The following GRIK2 variants were observed in gnomAD, a reference collection of about 807,000 sequenced individuals.
GRIK2 encodes glutamate ionotropic receptor kainate type subunit 2.
A neutral mutation model predicts 100.3 loss-of-function variants in GRIK2; 32 were observed. The observed-to-expected ratio is 0.32, with a 90% confidence interval of 0.24 to 0.43. The LOEUF (loss-of-function observed/expected upper bound fraction) is 0.43. Among genes scored for constraint, GRIK2 ranks in the 20% least tolerant of loss-of-function variants. The probability of loss-of-function intolerance (pLI) is 1.00; values close to 1 mark genes in which losing one functional copy is unlikely to be tolerated. For synonymous variants in GRIK2, 417 were observed against 389.4 expected (o/e 1.07, Z -0.83); for missense variants, 843 against 1,114.9 (o/e 0.76, Z 3.47).
At chr6:101,508,560 A>G (rs1774135968) in intron 2 of GRIK2, among the ~76,000 whole-genome samples, 1 of 152,068 alleles carries the variant, frequency 6.6e-6, no homozygotes, top group Non-Finnish European at 1.5e-5. Flanking sequence ...ATATTATCCT[A>G]CCCTTAGGAG....
intron 2 of GRIK2, chr6:101,430,955 GC>G: frequency 3.2e-6 from 1 of 307,716 alleles, no homozygotes. Flanking sequence ...GAAAGGCATA[GC>G]CCTCAAAGAT....
intron 4 of GRIK2, among the ~76,000 whole-genome samples, chr6:101,672,512 A>G (rs1384545977): frequency 6.6e-6 from 1 of 151,984 alleles, no homozygotes; most frequent in Non-Finnish European, 1.5e-5. Context: ...TATGCATCTT[A>G]CCTCTCTTAC....
intron 2 of GRIK2, among the ~76,000 whole-genome samples, chr6:101,527,772 A>T (rs182966601): frequency 1.1e-3 from 169 of 152,296 alleles, no homozygotes; most frequent in Non-Finnish European, 1.7e-3. Context: ...CAGTAGAATT[A>T]TCTGGAAAAT....
At chr6:101,559,640 T>C (rs991989429) in intron 2 of GRIK2, among the ~76,000 whole-genome samples, 3 of 152,152 alleles carry the variant, frequency 2.0e-5, no homozygotes, top group Admixed American at 6.6e-5. Flanking sequence ...TATTATTTAA[T>C]ACCTCCATCC....
intron 2 of GRIK2, among the ~76,000 whole-genome samples, chr6:101,610,909 T>C (rs1346960752): frequency 6.6e-6 from 1 of 151,818 alleles, no homozygotes; most frequent in Admixed American, 6.6e-5. Flanking sequence ...GTTCTATTTA[T>C]ATCTTGATAC....
chr6:101,947,459 G>A (rs181470257), intron 14 of GRIK2, among the ~76,000 whole-genome samples: 1 of 152,078 alleles, frequency 6.6e-6, no homozygotes, highest in Non-Finnish European at 1.5e-5. Context: ...TATGCAGTCT[G>A]CATTCCACTA....
chr6:101,397,430 G>C (rs1775054969), intron 1 of GRIK2, among the ~76,000 whole-genome samples: 1 of 152,130 alleles, frequency 6.6e-6, no homozygotes, highest in Non-Finnish European at 1.5e-5. Flanking sequence ...AGCACTAGGT[G>C]TTCCTTTTAA....
At chr6:101,695,586 G>A (rs900575987) in intron 7 of GRIK2, among the ~76,000 whole-genome samples, 6 of 151,992 alleles carry the variant, frequency 3.9e-5, no homozygotes, top group African/African-American at 1.5e-4. Context: ...GAAAGACAGT[G>A]TCACTGGTCA....
chr6:101,793,881 C>A (rs1343837701), intron 7 of GRIK2, among the ~76,000 whole-genome samples: 1 of 152,200 alleles, frequency 6.6e-6, no homozygotes, highest in African/African-American at 2.4e-5. Flanking sequence ...AGCTTCCTGG[C>A]TGCTTTGTTT....
intron 14 of GRIK2, among the ~76,000 whole-genome samples, chr6:101,947,508 A>G (rs766886018): frequency 6.6e-6 from 1 of 152,194 alleles, no homozygotes; most frequent in Non-Finnish European, 1.5e-5. Context: ...TTTAAGGAGC[A>G]TTATAAGTAC....
chr6:102,045,820 A>C (rs946910018), intron 15 of GRIK2, among the ~76,000 whole-genome samples: 1 of 152,132 alleles, frequency 6.6e-6, no homozygotes, highest in Non-Finnish European at 1.5e-5. Context: ...TTATTTAAAA[A>C]GCAATGAATA....
intron 14 of GRIK2, among the ~76,000 whole-genome samples, chr6:101,963,513 T>C (rs906087056): frequency 1.4e-4 from 20 of 140,726 alleles, no homozygotes; most frequent in African/African-American, 2.4e-4. Flanking sequence ...TTCTTTCTTT[T>C]TTTTTTTTTT....
chr6:101,841,041 A>G (rs1278500360), intron 10 of GRIK2, among the ~76,000 whole-genome samples: 1 of 152,096 alleles, frequency 6.6e-6, no homozygotes, highest in African/African-American at 2.4e-5. Context: ...AAAACTCAAA[A>G]TTTGTATTTG....
chr6:101,512,879 A>G (rs1378729016), intron 2 of GRIK2, among the ~76,000 whole-genome samples: 11 of 152,046 alleles, frequency 7.2e-5, no homozygotes, highest in African/African-American at 2.7e-4. Flanking sequence ...TTTTGTCACA[A>G]TATCTTTCCT....
intron 9 of GRIK2, among the ~76,000 whole-genome samples, chr6:101,814,098 A>C (rs1781493783): frequency 1.3e-5 from 2 of 152,156 alleles, no homozygotes; most frequent in African/African-American, 4.8e-5. Context: ...CATGATAGTA[A>C]TATTTCAAAC....
chr6:101,566,811 T>C (rs1432815577), intron 2 of GRIK2, among the ~76,000 whole-genome samples: 2 of 149,518 alleles, frequency 1.3e-5, no homozygotes. Flanking sequence ...ATGTCTATTA[T>C]ATATGATAGA....
chr6:101,507,505 T>A (rs1774085849), intron 2 of GRIK2, among the ~76,000 whole-genome samples: 1 of 152,042 alleles, frequency 6.6e-6, no homozygotes, highest in African/African-American at 2.4e-5. Flanking sequence ...TTAAAAAAAA[T>A]TACCTAAATC....
intron 11 of GRIK2, among the ~76,000 whole-genome samples, chr6:101,887,886 AT>A (rs1200261229): frequency 2.0e-5 from 3 of 152,168 alleles, no homozygotes; most frequent in Non-Finnish European, 4.4e-5. Flanking sequence ...ACACGTGCAG[AT>A]TAAAATTCAA....
At chr6:101,499,065 C>A (rs998838095) in intron 2 of GRIK2, among the ~76,000 whole-genome samples, 2 of 152,066 alleles carry the variant, frequency 1.3e-5, no homozygotes, top group African/African-American at 4.8e-5. Context: ...GGAAAACTGG[C>A]TAGCCATATG....
Sources: allele counts gnomAD v4.1 joint callset (sites outside exome capture counted in the v4.1 genomes callset), GRCh38; gene constraint gnomAD v4.1.1; transcripts MANE v1.5; gene names NCBI Gene and HGNC (gene_info 2026-07-23, HGNC 2026-07-21).